Variants in PHF21A observed in about 807,000 individuals in gnomAD.
PHF21A encodes PHD finger protein 21A.
In PHF21A, 11 loss-of-function variants were observed where a neutral mutation model predicts 82.5. The observed-to-expected ratio is 0.13, with a 90% confidence interval of 0.08 to 0.22. The LOEUF is 0.22. Ranked by LOEUF, PHF21A falls within the 10% of genes least tolerant of loss-of-function variation. The pLI, the probability that PHF21A is intolerant of heterozygous loss-of-function variation, is 1.00. For missense variants in PHF21A, 579 were observed against 837.8 expected (o/e 0.69, Z 3.81); for synonymous variants, 297 against 302.8 (o/e 0.98, Z 0.20).
intron 6 of PHF21A, among the ~76,000 whole-genome samples, chr11:46,055,174 A>G (rs2096434116): frequency 6.6e-6 from 1 of 152,196 alleles, no homozygotes; most frequent in African/African-American, 2.4e-5. Context: ...ATCCTTCTGG[A>G]CATTAATAAT....
At chr11:46,078,792 T>C (rs2096757656) in intron 5 of PHF21A, among the ~76,000 whole-genome samples, 2 of 152,090 alleles carry the variant, frequency 1.3e-5, no homozygotes, top group African/African-American at 4.8e-5. Flanking sequence ...AATATTGGGA[T>C]GACAGAAAGC....
At chr11:45,950,868 C>CA (rs1483248544) in intron 11 of PHF21A, among the ~76,000 whole-genome samples, 1 of 152,206 alleles carries the variant, frequency 6.6e-6, no homozygotes, top group African/African-American at 2.4e-5. Flanking sequence ...GTCAGTTTCT[C>CA]ACATTTATAC....
intron 7 of PHF21A, among the ~76,000 whole-genome samples, chr11:45,979,548 T>C (rs995707772): frequency 6.6e-6 from 1 of 152,216 alleles, no homozygotes; most frequent in East Asian, 1.9e-4. Flanking sequence ...AGGTGGGAAA[T>C]CATTTAATTT....
In PHF21A at chr11:45,934,175, G is replaced by A. The variant is rs755214673; in HGVS notation, c.1839C>T (p.His613=). The part of the protein sequence containing the change: ...NTILARQKEM[H]SSLEKVKQLI... The stretch of plus-strand genomic sequence containing the variant: ...GCTGTTTTACCTTCTCCAGGGAGCT[G>A]TGCATCTCCTTCTGCCGGGCCAGGA... The change falls in exon 19 of 19, where the codon CAC becomes CAT. Residue 613 remains histidine, a synonymous_variant. Transcript: ENST00000676320. The A allele has an allele frequency of 2.5e-6, 4 of 1,613,966 alleles. No homozygotes were observed. Among genetic ancestry groups the A allele is most frequent in the East Asian group, 2.2e-5 (1 of 44,882 alleles).
At chr11:45,958,830 A>C (rs936588055) in intron 10 of PHF21A, among the ~76,000 whole-genome samples, 1 of 152,048 alleles carries the variant, frequency 6.6e-6, no homozygotes, top group Non-Finnish European at 1.5e-5. Flanking sequence ...AAATGGGAGG[A>C]TCACTTGAGC....
intron 3 of PHF21A, among the ~76,000 whole-genome samples, chr11:46,089,584 C>T (rs1163083221): frequency 6.6e-6 from 1 of 151,822 alleles, no homozygotes; most frequent in Non-Finnish European, 1.5e-5. Flanking sequence ...ATTTTCGAGG[C>T]GAACCCTCTG....
At chr11:46,065,467 G>C (rs2096583560) in intron 6 of PHF21A, among the ~76,000 whole-genome samples, 4 of 152,182 alleles carry the variant, frequency 2.6e-5, no homozygotes, top group Admixed American at 2.0e-4. Context: ...TGACCAGAAT[G>C]AATATGGGTC....
chr11:45,995,443 T>C (rs983667096), intron 6 of PHF21A, among the ~76,000 whole-genome samples: 1 of 152,150 alleles, frequency 6.6e-6, no homozygotes, highest in Admixed American at 6.5e-5. Context: ...TCACAGCATG[T>C]TTGTGTGACA....
chr11:46,042,044 TTG>T (rs1230843507), intron 6 of PHF21A, among the ~76,000 whole-genome samples: 3 of 152,146 alleles, frequency 2.0e-5, no homozygotes, highest in African/African-American at 7.2e-5. Flanking sequence ...TTAATATGAT[TTG>T]AGATTCACAA....
intron 6 of PHF21A, among the ~76,000 whole-genome samples, chr11:46,072,067 C>T (rs964088658): frequency 6.6e-6 from 1 of 152,148 alleles, no homozygotes; most frequent in African/African-American, 2.4e-5. Context: ...CAAACACGTT[C>T]CCTGACTTCC....
chr11:46,052,324 C>A (rs1386786988), intron 6 of PHF21A, among the ~76,000 whole-genome samples: 1 of 152,168 alleles, frequency 6.6e-6, no homozygotes, highest in Non-Finnish European at 1.5e-5. Context: ...TGTCCTGAAG[C>A]TCCTAAATCC....
intron 6 of PHF21A, among the ~76,000 whole-genome samples, chr11:45,989,211 C>A (rs1448331365): frequency 6.6e-6 from 1 of 152,090 alleles, no homozygotes; most frequent in African/African-American, 2.4e-5. Context: ...CACAAGAAAC[C>A]TGAACTCATC....
chr11:45,970,076 T>C, intron 8 of PHF21A, 172 bp from the exon 9 acceptor site: 1 of 604,586 alleles, frequency 1.7e-6, no homozygotes. Context: ...CTCTCCCACC[T>C]GTGTGCTTTA....
chr11:46,016,373 A>G (rs1404944303), intron 6 of PHF21A, among the ~76,000 whole-genome samples: 3 of 152,146 alleles, frequency 2.0e-5, no homozygotes, highest in Non-Finnish European at 4.4e-5. Context: ...TTCGCCTCCC[A>G]TTATATCCAT....
intron 15 of PHF21A, 68 bp from the exon 16 acceptor site, chr11:45,938,380 T>C (rs943230842): frequency 2.4e-6 from 3 of 1,254,458 alleles, no homozygotes; most frequent in African/African-American, 1.5e-5. Context: ...AACATGCACA[T>C]TCTAGATGCA....
intron 6 of PHF21A, among the ~76,000 whole-genome samples, chr11:46,075,775 C>T (rs1459645751): frequency 6.6e-6 from 1 of 152,056 alleles, no homozygotes; most frequent in Non-Finnish European, 1.5e-5. Flanking sequence ...TTTATTTCTC[C>T]CCTCAGTTAA....
intron 3 of PHF21A, among the ~76,000 whole-genome samples, chr11:46,088,772 C>A (rs1277880812): frequency 6.6e-6 from 1 of 152,164 alleles, no homozygotes; most frequent in Admixed American, 6.5e-5. Context: ...AATAGAACTT[C>A]TCTACATAGT....
At chr11:45,963,714 T>C (rs1007428565) in intron 10 of PHF21A, among the ~76,000 whole-genome samples, 5 of 152,170 alleles carry the variant, frequency 3.3e-5, no homozygotes, top group Admixed American at 2.6e-4. Context: ...TAATATTTAA[T>C]AACCTAAAAT....
intron 6 of PHF21A, among the ~76,000 whole-genome samples, chr11:45,996,280 C>G (rs554340755): frequency 6.6e-6 from 1 of 152,116 alleles, no homozygotes; most frequent in Non-Finnish European, 1.5e-5. Flanking sequence ...AACATAGGAT[C>G]TAGTACTCAA....
Sources: allele counts gnomAD v4.1 joint callset (sites outside exome capture counted in the v4.1 genomes callset), GRCh38; gene constraint gnomAD v4.1.1; transcripts MANE v1.5; gene names NCBI Gene and HGNC (gene_info 2026-07-23, HGNC 2026-07-21).